SYT1: variants seen among roughly 807,000 people sequenced by gnomAD.
SYT1 encodes synaptotagmin 1, also known as synaptotagmin-1.
A neutral mutation model predicts 44.8 loss-of-function variants in SYT1; 8 were observed. The ratio of observed to expected loss-of-function variants is 0.18; its 90% CI spans 0.10 to 0.32. SYT1 has a LOEUF of 0.32. Among genes scored for constraint, SYT1 ranks in the 10% least tolerant of loss-of-function variants. The pLI is 1.00. For synonymous variants in SYT1, 154 were observed against 188.8 expected (o/e 0.82, Z 1.51); for missense variants, 286 against 509.3 (o/e 0.56, Z 4.22).
intron 1 of SYT1, among the ~76,000 whole-genome samples, chr12:78,957,019 G>A (rs943395049): frequency 3.9e-5 from 6 of 152,134 alleles, no homozygotes; most frequent in Non-Finnish European, 7.4e-5. Flanking sequence ...AAGGAGATAA[G>A]GTCAGAATCA....
intron 2 of SYT1, among the ~76,000 whole-genome samples, chr12:79,014,122 CAAA>C (rs1358787041): frequency 5.0e-5 from 2 of 39,738 alleles, no homozygotes; most frequent in South Asian, 8.7e-4. Context: ...AGACTCTCTC[CAAA>C]AAAAAAAAAA....
At chr12:79,104,879 A>G (rs537036263) in intron 3 of SYT1, among the ~76,000 whole-genome samples, 41 of 152,308 alleles carry the variant, frequency 2.7e-4, no homozygotes, top group Non-Finnish European at 5.3e-4. Context: ...ATTAAAAGCC[A>G]ATCTCAAATA....
At chr12:79,340,401 GA>G (rs1188093137) in intron 8 of SYT1, among the ~76,000 whole-genome samples, 1 of 152,092 alleles carries the variant, frequency 6.6e-6, no homozygotes, top group Admixed American at 6.6e-5. Flanking sequence ...TTGTAAGTTG[GA>G]TTCCTAGGTA....
rs1471612050 is a variant in SYT1, at chr12:79,179,249, G to GATATATCTATATAGATATAGATATAGAT, written c.-17-38249_-17-38248insTCTATATAGATATAGATATAGATATATA. ...ATATAGATATAGATATATAGATATA[G>GATATATCTATATAGATATAGATATAGAT]ATATAGATATAGATATATAGATATA... On this transcript the variant is annotated intron_variant, in intron 3 of 10. Transcript: ENST00000261205. 2.4e-3 allele frequency among the ~76,000 whole-genome samples: 176 copies of GATATATCTATATAGATATAGATATAGAT among 71,842 alleles called. 32 individuals are homozygous for GATATATCTATATAGATATAGATATAGAT. Among genetic ancestry groups the GATATATCTATATAGATATAGATATAGAT allele is most frequent in the African/African-American group, 0.011 (149 of 14,038 alleles). The allele number at this position is 71,842 out of a possible 152,430, so 47.1% of individuals were successfully genotyped here. A position where few individuals can be genotyped will look rare whatever the true frequency, so the allele number is the denominator to read the frequency against.
At chr12:79,086,566 T>C (rs1175467057) in intron 3 of SYT1, among the ~76,000 whole-genome samples, 1 of 152,198 alleles carries the variant, frequency 6.6e-6, no homozygotes, top group Non-Finnish European at 1.5e-5. Flanking sequence ...CTTCGCAGGA[T>C]GTGAAATGTT....
intron 1 of SYT1, among the ~76,000 whole-genome samples, chr12:78,873,982 G>T (rs1320594640): frequency 6.6e-6 from 1 of 151,580 alleles, no homozygotes; most frequent in Non-Finnish European, 1.5e-5. Flanking sequence ...GTTGGGAAGG[G>T]CCTATAGAAA....
chr12:79,057,664 T>C (rs962988018), intron 3 of SYT1, among the ~76,000 whole-genome samples: 1 of 151,990 alleles, frequency 6.6e-6, no homozygotes, highest in Admixed American at 6.6e-5. Context: ...TTGCACAAGG[T>C]AAAAATGTTT....
chr12:78,966,634 G>A (rs1868256342), intron 1 of SYT1, among the ~76,000 whole-genome samples: 1 of 152,088 alleles, frequency 6.6e-6, no homozygotes, highest in Admixed American at 6.6e-5. Context: ...AAGTTGATGA[G>A]GTGTCACCTA....
chr12:79,060,687 T>C (rs1875318324), intron 3 of SYT1, among the ~76,000 whole-genome samples: 1 of 152,138 alleles, frequency 6.6e-6, no homozygotes, highest in African/African-American at 2.4e-5. Context: ...TATGTATATA[T>C]CACATTTTGT....
intron 3 of SYT1, among the ~76,000 whole-genome samples, chr12:79,201,384 T>G (rs2138495977): frequency 6.6e-6 from 1 of 152,316 alleles, no homozygotes; most frequent in South Asian, 2.1e-4. Flanking sequence ...GCAAACAGGC[T>G]TCATCAAGAA....
chr12:79,375,949 A>G (rs950195161), intron 9 of SYT1, among the ~76,000 whole-genome samples: 1 of 152,230 alleles, frequency 6.6e-6, no homozygotes, highest in Non-Finnish European at 1.5e-5. Flanking sequence ...AAGGATAAAT[A>G]TGTTGTATCA....
At chr12:78,953,496 TATC>T (rs1451642865) in intron 1 of SYT1, among the ~76,000 whole-genome samples, 1 of 152,112 alleles carries the variant, frequency 6.6e-6, no homozygotes, top group Non-Finnish European at 1.5e-5. Context: ...GGATGAACAG[TATC>T]ATCATCGCCC....
At chr12:79,252,531 G>C (rs1407105618) in intron 4 of SYT1, among the ~76,000 whole-genome samples, 1 of 152,114 alleles carries the variant, frequency 6.6e-6, no homozygotes, top group African/African-American at 2.4e-5. Context: ...GTGAATGGAA[G>C]TGATATGCTT....
At chr12:79,323,861 G>A (rs1881480934) in intron 8 of SYT1, among the ~76,000 whole-genome samples, 1 of 150,040 alleles carries the variant, frequency 6.7e-6, no homozygotes, top group Non-Finnish European at 1.5e-5. Flanking sequence ...AAAAATATTT[G>A]CATATGTATA....
intron 1 of SYT1, among the ~76,000 whole-genome samples, chr12:78,877,054 T>G (rs1319700381): frequency 6.8e-6 from 1 of 146,868 alleles, no homozygotes; most frequent in Admixed American, 7.1e-5. Flanking sequence ...TGAAAGATAT[T>G]AAGGAGTGAA....
intron 3 of SYT1, among the ~76,000 whole-genome samples, chr12:79,086,286 C>A (rs1877377350): frequency 6.6e-6 from 1 of 151,948 alleles, no homozygotes; most frequent in Admixed American, 6.6e-5. Flanking sequence ...GTGTGTGAGC[C>A]TGTGACTAAT....
chr12:78,961,237 T>G (rs112206363), intron 1 of SYT1, among the ~76,000 whole-genome samples: 4,638 of 151,986 alleles, frequency 0.031, 208 homozygotes, highest in African/African-American at 0.1. Flanking sequence ...GAGTAGCTGG[T>G]ACTACAGGTA....
chr12:79,145,599 T>C (rs1332271906), intron 3 of SYT1, among the ~76,000 whole-genome samples: 1 of 152,214 alleles, frequency 6.6e-6, no homozygotes. Context: ...CCAATGAGAT[T>C]GACATCATTA....
At chr12:79,419,033 C>G (rs1868931241) in intron 9 of SYT1, among the ~76,000 whole-genome samples, 1 of 152,122 alleles carries the variant, frequency 6.6e-6, no homozygotes, top group Non-Finnish European at 1.5e-5. Flanking sequence ...GTACCTTCTT[C>G]CCCTATAGGT....
Sources: gnomAD v4.1 joint callset for allele counts (sites outside exome capture counted in the v4.1 genomes callset) on GRCh38, gnomAD v4.1.1 for gene constraint, MANE v1.5 for transcripts, NCBI Gene and HGNC (gene_info 2026-07-23, HGNC 2026-07-21) for gene names.